ZNF10: variants seen among roughly 807,000 people sequenced by gnomAD.
ZNF10 encodes the protein zinc finger protein 10, also known as zinc finger protein 10 (KOX 1).
Under a neutral mutation model 12.2 loss-of-function variants are expected in ZNF10, and 8 were observed. The ratio of observed to expected loss-of-function variants is 0.66; its 90% CI spans 0.39 to 1.18. The LOEUF (loss-of-function observed/expected upper bound fraction) is 1.18. Among genes scored for constraint, ZNF10 ranks in the 50% most tolerant of loss-of-function variants. The probability of loss-of-function intolerance (pLI) is 0.01; values close to 1 mark genes in which losing one functional copy is unlikely to be tolerated. For synonymous variants in ZNF10, 229 were observed against 228.2 expected, an observed-to-expected ratio of 1.00 and a Z score of -0.03; for missense variants, 603 against 678.9, an observed-to-expected ratio of 0.89 and a Z score of 1.24.
intron 1 of ZNF10, among the ~76,000 whole-genome samples, chr12:133,142,490 G>T (rs1955951641): frequency 1.4e-5 from 2 of 146,882 alleles, no homozygotes; most frequent in Non-Finnish European, 3.0e-5. Flanking sequence ...AATATACAAA[G>T]AACTCCTACA....
At chr12:133,134,261 C>G (rs983830490) in intron 1 of ZNF10, among the ~76,000 whole-genome samples, 7 of 151,406 alleles carry the variant, frequency 4.6e-5, no homozygotes, top group African/African-American at 1.7e-4. Flanking sequence ...TGCAATGAGC[C>G]GAGATTGCTT....
chr12:133,154,681 C>G (rs1455224439), intron 4 of ZNF10, among the ~76,000 whole-genome samples: 2 of 152,178 alleles, frequency 1.3e-5, no homozygotes, highest in Non-Finnish European at 2.9e-5. Flanking sequence ...TGTAGCTGCT[C>G]TGAGAGGTCT....
At chr12:133,148,396 C>T (rs1207138698) in intron 2 of ZNF10, among the ~76,000 whole-genome samples, 2 of 152,242 alleles carry the variant, frequency 1.3e-5, no homozygotes, top group Non-Finnish European at 2.9e-5. Flanking sequence ...GCTGGGATTA[C>T]AGGCGTGAGC....
At chr12:133,153,998 G>T (rs948738451) in intron 4 of ZNF10, among the ~76,000 whole-genome samples, 1 of 151,920 alleles carries the variant, frequency 6.6e-6, no homozygotes, top group Non-Finnish European at 1.5e-5. Flanking sequence ...CTGGATTAGG[G>T]GCCCATCCTA....
rs533373818 is a variant in ZNF10, at chr12:133,158,829, T to C, written c.*1861T>C. On this transcript the variant is annotated 3_prime_UTR_variant, in exon 5 of 5. Coordinates refer to ENST00000248211, the MANE Select transcript of ZNF10 (RefSeq NM_015394.5). ...CATGGCAGCCTCTAGCTCATACTTG[T>C]CGTTGTACAATTGAGATCAAGTGAA... The C allele has an allele frequency of 1.3e-5, 2 of 152,348 alleles. No homozygotes were observed. The highest frequency in any genetic ancestry group is 2.1e-4 in the South Asian group (1 of 4,826). 9.4% of individuals were successfully genotyped at this position (152,348 alleles called of 1,614,324 possible). A position where few individuals can be genotyped will look rare whatever the true frequency, so the allele number is the denominator to read the frequency against.
chr12:133,144,554 A>C (rs751425790), intron 2 of ZNF10, 29 bp downstream of exon 2: 34 of 1,610,528 alleles, frequency 2.1e-5, no homozygotes, highest in Non-Finnish European at 2.9e-5. Flanking sequence ...CCAGTTTCCA[A>C]CTGGGAATTC....
At chr12:133,134,937 G>T (rs552074018) in intron 1 of ZNF10, among the ~76,000 whole-genome samples, 1 of 152,060 alleles carries the variant, frequency 6.6e-6, no homozygotes, top group East Asian at 1.9e-4. Context: ...TTTTCTCATC[G>T]TTGTTCCAGT....
At chr12:133,147,898 C>T (rs1955985653) in intron 2 of ZNF10, among the ~76,000 whole-genome samples, 1 of 151,802 alleles carries the variant, frequency 6.6e-6, no homozygotes, top group Admixed American at 6.6e-5. Context: ...CTGCCTTGGC[C>T]TCCCAAAGTC....
intron 2 of ZNF10, among the ~76,000 whole-genome samples, chr12:133,150,154 T>G (rs1034208025): frequency 5.3e-5 from 8 of 152,248 alleles, no homozygotes; most frequent in Non-Finnish European, 1.0e-4. Context: ...TCTACTGTTT[T>G]TGTTATTTAT....
intron 4 of ZNF10, among the ~76,000 whole-genome samples, chr12:133,153,522 A>G (rs934189056): frequency 2.0e-5 from 3 of 152,146 alleles, no homozygotes; most frequent in South Asian, 2.1e-4. Context: ...AAACTTCTCC[A>G]TAAGATTTTC....
In ZNF10 at chr12:133,137,804, A is replaced by G. The variant is rs549998866; in HGVS notation, c.-59-6630A>G. 1.2e-4 allele frequency among the ~76,000 whole-genome samples: 18 copies of G among 152,328 alleles called. No individual in the cohort carries two copies. The South Asian group carries it at 3.1e-3, about 26-fold the overall frequency. On this transcript the variant is annotated intron_variant, in intron 1 of 4. Transcript: ENST00000248211. ...ATGGCAGAAGTTCCAAATCTATACCACTAAGATAGTTATTAACTTACCAGC... is the reference window on the plus strand; with the variant it reads ...ATGGCAGAAGTTCCAAATCTATACCGCTAAGATAGTTATTAACTTACCAGC...
intron 1 of ZNF10, among the ~76,000 whole-genome samples, chr12:133,131,320 T>G (rs1354216097): frequency 9.6e-6 from 1 of 103,778 alleles, no homozygotes; most frequent in Non-Finnish European, 2.1e-5. Flanking sequence ...ATTTTTATTT[T>G]CCCTTGACAC....
At chr12:133,133,216 G>T (rs1955890786) in intron 1 of ZNF10, among the ~76,000 whole-genome samples, 1 of 152,182 alleles carries the variant, frequency 6.6e-6, no homozygotes, top group Non-Finnish European at 1.5e-5. Flanking sequence ...CTTTGTGGCT[G>T]CTGGGTCCTT....
intron 2 of ZNF10, among the ~76,000 whole-genome samples, chr12:133,147,132 C>T (rs1955981266): frequency 6.6e-6 from 1 of 152,166 alleles, no homozygotes; most frequent in African/African-American, 2.4e-5. Context: ...GGCTGTACCA[C>T]GTTTTGTTTA....
intron 3 of ZNF10, 59 bp from the exon 4 acceptor site, chr12:133,151,750 G>A (rs1368588390): frequency 6.9e-5 from 95 of 1,374,044 alleles, no homozygotes; most frequent in Non-Finnish European, 3.2e-5. Context: ...ATGTTTCTTC[G>A]TGCCTACCTC....
At chr12:133,135,886 A>G (rs559050850) in intron 1 of ZNF10, among the ~76,000 whole-genome samples, 5 of 152,356 alleles carry the variant, frequency 3.3e-5, no homozygotes, top group African/African-American at 9.6e-5. Context: ...AATCACAGCT[A>G]GGCAGACAAG....
intron 2 of ZNF10, among the ~76,000 whole-genome samples, chr12:133,149,352 C>CTTTTTTTTT (rs144304054): frequency 1.2e-5 from 1 of 85,798 alleles, no homozygotes; most frequent in African/African-American, 4.9e-5. Context: ...TTTGCTATTG[C>CTTTTTTTTT]TTTTTTTTTT....
chr12:133,149,893 A>T (rs1181342200), intron 2 of ZNF10, among the ~76,000 whole-genome samples: 1 of 151,896 alleles, frequency 6.6e-6, no homozygotes, highest in African/African-American at 2.4e-5. Flanking sequence ...GTATTTTTTA[A>T]TACTTGCTGT....
At chr12:133,141,633 C>T (rs762326431) in intron 1 of ZNF10, among the ~76,000 whole-genome samples, 28 of 151,552 alleles carry the variant, frequency 1.8e-4, no homozygotes, top group Non-Finnish European at 3.8e-4. Context: ...GTAAAACTAT[C>T]CAAAATGAAA....
Sources: allele counts gnomAD v4.1 joint callset (sites outside exome capture counted in the v4.1 genomes callset), GRCh38; gene constraint gnomAD v4.1.1; transcripts MANE v1.5; gene names NCBI Gene and HGNC (gene_info 2026-07-23, HGNC 2026-07-21).